Variants in TIMMDC1 observed in about 807,000 individuals in gnomAD.
TIMMDC1 encodes the protein complex I assembly factor TIMMDC1, mitochondrial.
Under a neutral mutation model 32.6 loss-of-function variants are expected in TIMMDC1, and 25 were observed. That is an observed-to-expected ratio of 0.77 (90% CI 0.56 to 1.07). The LOEUF (loss-of-function observed/expected upper bound fraction) is 1.07. Ranked by LOEUF, TIMMDC1 falls within the 50% of genes least tolerant of loss-of-function variation. The pLI is 0.00. For missense variants in TIMMDC1, 329 were observed against 349.2 expected, an observed-to-expected ratio of 0.94 and a Z score of 0.46; for synonymous variants, 130 against 127.6, an observed-to-expected ratio of 1.02 and a Z score of -0.13.
chr3:119,513,524 T>C lies in TIMMDC1; in HGVS notation c.518-117T>C, dbSNP rs552148550. ...TCAGGAAGTATAGGCTGTAGTAGTA[T>C]ATTAACATTGGATTCAGAAAGCTCA... On this transcript the variant is annotated intron_variant, in intron 4 of 6. Transcript: ENST00000494664. 697 of 745,390 alleles carry C rather than the reference T, an allele frequency of 9.4e-4. 3 individuals are homozygous for C. The highest frequency in any genetic ancestry group is 1.5e-3 in the South Asian group (93 of 63,548). 46.2% of individuals were successfully genotyped at this position (745,390 alleles called of 1,614,324 possible). A position where few individuals can be genotyped will look rare whatever the true frequency, so the allele number is the denominator to read the frequency against.
chr3:119,503,269 CCAAGTATCAGATAAGGGATCTGGTCT>C (rs1162780401), intron 2 of TIMMDC1, among the ~76,000 whole-genome samples: 5 of 152,138 alleles, frequency 3.3e-5, no homozygotes, highest in Non-Finnish European at 7.4e-5. Context: ...AATCCTAAAT[CCAAGTATCAGATAAGGGATCTGGTCT>C]CAAGTATCAG....
At chr3:119,509,778 C>G (rs1027262145) in intron 4 of TIMMDC1, among the ~76,000 whole-genome samples, 1 of 151,784 alleles carries the variant, frequency 6.6e-6, no homozygotes, top group African/African-American at 2.4e-5. Flanking sequence ...CTCCACCTTC[C>G]GGGTTCAAGG....
intron 1 of TIMMDC1, among the ~76,000 whole-genome samples, chr3:119,499,946 ATTTG>A (rs1334335447): frequency 6.6e-6 from 1 of 152,052 alleles, no homozygotes; most frequent in African/African-American, 2.4e-5. Context: ...AAAAACATTT[ATTTG>A]TTTATTTTTA....
intron 4 of TIMMDC1, among the ~76,000 whole-genome samples, chr3:119,512,476 A>G (rs1386726030): frequency 1.3e-5 from 2 of 151,904 alleles, no homozygotes; most frequent in African/African-American, 4.8e-5. Context: ...ACGGGGTTTC[A>G]GCATCTTGGC....
chr3:119,514,291 C>T (rs1247201477), intron 5 of TIMMDC1, among the ~76,000 whole-genome samples: 1 of 152,152 alleles, frequency 6.6e-6, no homozygotes, highest in Non-Finnish European at 1.5e-5. Context: ...GTGATATTTT[C>T]CATATCTATG....
At chr3:119,506,978 A>G (rs899150531) in intron 4 of TIMMDC1, among the ~76,000 whole-genome samples, 3 of 152,162 alleles carry the variant, frequency 2.0e-5, no homozygotes, top group Admixed American at 1.3e-4. Context: ...GCTTCCCTAG[A>G]GAGTTCTCCC....
intron 1 of TIMMDC1, 104 bp from the exon 2 acceptor site, chr3:119,500,591 A>C: frequency 9.9e-7 from 1 of 1,005,192 alleles, no homozygotes; most frequent in Middle Eastern, 2.3e-4. Context: ...CTATGATGAA[A>C]AATGTTGTGG....
At chr3:119,508,581 C>T (rs7630754) in intron 4 of TIMMDC1, among the ~76,000 whole-genome samples, 6,752 of 152,276 alleles carry the variant, frequency 0.044, 466 homozygotes, top group African/African-American at 0.15. Context: ...ATAAGAAAGC[C>T]CAAGTGCTAC....
At chr3:119,522,922 CAAATT>C (rs1560051175) in intron 6 of TIMMDC1, among the ~76,000 whole-genome samples, 1 of 151,606 alleles carries the variant, frequency 6.6e-6, no homozygotes, top group Non-Finnish European at 1.5e-5. Flanking sequence ...GAAAATCAAA[CAAATT>C]GAGAGTCAAA....
rs1266336977 is a variant in TIMMDC1, at chr3:119,503,885, A to G, written c.450-69A>G. On this transcript the variant is annotated intron_variant, in intron 3 of 6. Coordinates refer to ENST00000494664, the MANE Select transcript of TIMMDC1 (RefSeq NM_016589.4). The stretch of plus-strand genomic sequence containing the variant: ...TTCTAAATCTATTAAGTCAGTGAAA[A>G]TAACACTCAAGAAGGTAAATGGGAT... 4 of 1,357,316 alleles carry G rather than the reference A, an allele frequency of 2.9e-6. No homozygotes were observed. The East Asian group carries it at 6.9e-5, about 23-fold the overall frequency. 84.1% of individuals were successfully genotyped at this position (1,357,316 alleles called of 1,614,324 possible). A position where few individuals can be genotyped will look rare whatever the true frequency, so the allele number is the denominator to read the frequency against.
intron 3 of TIMMDC1, 50 bp downstream of exon 3, chr3:119,503,670 A>G: frequency 6.9e-7 from 1 of 1,445,776 alleles, no homozygotes; most frequent in Non-Finnish European, 9.5e-7. Context: ...ATATTGTTTT[A>G]GGAGTGTGTC....
intron 4 of TIMMDC1, among the ~76,000 whole-genome samples, chr3:119,512,673 T>C (rs1301944244): frequency 6.6e-6 from 1 of 152,184 alleles, no homozygotes; most frequent in Non-Finnish European, 1.5e-5. Context: ...TTAAAGGTGA[T>C]TTTGATTCTT....
rs1379208501 is a variant in TIMMDC1, at chr3:119,501,961, ATC to A, written c.360+1105_360+1106del. Among the ~76,000 whole-genome samples, 5 of 152,308 alleles carry A rather than the reference ATC, an allele frequency of 3.3e-5. No individual in the cohort carries two copies. The East Asian group carries it at 9.6e-4, about 29-fold the overall frequency. On this transcript the variant is annotated intron_variant, in intron 2 of 6. Coordinates refer to ENST00000494664, the MANE Select transcript of TIMMDC1 (RefSeq NM_016589.4). ...TGAAATTAAATTAGAAACCCATGAT[ATC>A]TCTGTCCCTTTACTGGTGATGTTTA...
chr3:119,522,799 GGTGTTTGT>G (rs2082035904), intron 6 of TIMMDC1, among the ~76,000 whole-genome samples: 1 of 127,458 alleles, frequency 7.8e-6, no homozygotes, highest in Non-Finnish European at 1.7e-5. Context: ...TACACGTATG[GGTGTTTGT>G]GTGTGTGTGT....
At chr3:119,519,156 A>G (rs956637432) in intron 6 of TIMMDC1, among the ~76,000 whole-genome samples, 1 of 152,212 alleles carries the variant, frequency 6.6e-6, no homozygotes, top group African/African-American at 2.4e-5. Context: ...ACAAAAATCT[A>G]CCAACCATGA....
intron 2 of TIMMDC1, among the ~76,000 whole-genome samples, chr3:119,502,469 G>C (rs1047234968): frequency 4.6e-4 from 19 of 41,232 alleles, no homozygotes; most frequent in Non-Finnish European, 7.3e-4. Context: ...AGCTCAAGCA[G>C]TTCACCCCCT....
At chr3:119,500,110 A>C (rs867458487) in intron 1 of TIMMDC1, among the ~76,000 whole-genome samples, 6 of 152,212 alleles carry the variant, frequency 3.9e-5, no homozygotes, top group Admixed American at 1.3e-4. Context: ...GTATTTCATG[A>C]AATTATTTAG....
At chr3:119,515,835 C>G (rs751961027) in intron 5 of TIMMDC1, among the ~76,000 whole-genome samples, 2 of 152,220 alleles carry the variant, frequency 1.3e-5, no homozygotes, top group Admixed American at 6.5e-5. Context: ...TAAGCTAGTT[C>G]TGTCAGTTCT....
chr3:119,503,489 A>G, intron 2 of TIMMDC1, 43 bp from the exon 3 acceptor site: 1 of 1,481,044 alleles, frequency 6.8e-7, no homozygotes, highest in Non-Finnish European at 9.1e-7. Context: ...TAAGGAAAAT[A>G]TGATGGTGTC....
Sources: gnomAD v4.1 joint callset for allele counts (sites outside exome capture counted in the v4.1 genomes callset) on GRCh38, gnomAD v4.1.1 for gene constraint, MANE v1.5 for transcripts, NCBI Gene and HGNC (gene_info 2026-07-23, HGNC 2026-07-21) for gene names.